The following SOX6 variants were observed in gnomAD, a reference collection of about 807,000 sequenced individuals.
The protein encoded by SOX6 is transcription factor SOX-6.
SOX6 carries 11 observed loss-of-function variants against 97.8 expected under a neutral mutation model. That is an observed-to-expected ratio of 0.11 (90% CI 0.07 to 0.19). The LOEUF is 0.19. Ranked by LOEUF, SOX6 falls within the 10% of genes least tolerant of loss-of-function variation. SOX6 has a pLI of 1.00. For missense variants in SOX6, 810 were observed against 1,039.5 expected (o/e 0.78, Z 3.04); for synonymous variants, 360 against 371.4 (o/e 0.97, Z 0.35).
intron 4 of SOX6, among the ~76,000 whole-genome samples, chr11:16,502,830 C>T (rs369601803): frequency 6.6e-6 from 1 of 152,140 alleles, no homozygotes; most frequent in East Asian, 1.9e-4. Context: ...CTCCCCACAT[C>T]TAGCAAGAGA....
chr11:16,466,060 TC>T (rs1860025342), intron 1 of SOX6, among the ~76,000 whole-genome samples: 1 of 152,230 alleles, frequency 6.6e-6, no homozygotes, highest in South Asian at 2.1e-4. Flanking sequence ...TTGCCAGTTA[TC>T]TATAAAAGGT....
chr11:16,529,443 T>C (rs1383084751), intron 4 of SOX6, among the ~76,000 whole-genome samples: 1 of 151,978 alleles, frequency 6.6e-6, no homozygotes, highest in African/African-American at 2.4e-5. Context: ...TAACACACAA[T>C]GGAGAGAAAA....
chr11:16,344,530 T>A (rs527413573), intron 1 of SOX6, among the ~76,000 whole-genome samples: 1 of 151,930 alleles, frequency 6.6e-6, no homozygotes, highest in Non-Finnish European at 1.5e-5. Flanking sequence ...TGTACCATAG[T>A]TACTCTCCTT....
chr11:16,597,280 G>A (rs1473056240), intron 4 of SOX6, among the ~76,000 whole-genome samples: 3 of 151,578 alleles, frequency 2.0e-5, no homozygotes, highest in African/African-American at 7.3e-5. Flanking sequence ...CCGTTATCCA[G>A]AACTGTTCTA....
rs1353474000 is a variant in SOX6 at position 16,356,451 on chromosome 11, A to C, written c.-362T>G. Among the ~76,000 whole-genome samples the C allele has an allele frequency of 6.6e-6, 1 of 152,146 alleles. No individual in the cohort carries two copies. Among genetic ancestry groups the C allele is most frequent in the Non-Finnish European group, 1.5e-5 (1 of 68,016 alleles). On this transcript the variant is annotated 5_prime_UTR_variant, in exon 1 of 16. Coordinates refer to ENST00000683767, the MANE Select transcript of SOX6 (RefSeq NM_001367873.1). ...TCTGCCACTGCTGCTACAGTTAAGC[A>C]AACTTTACAAGCTAGTCAAGCCATC... is the stretch of plus-strand genomic sequence containing the variant.
At chr11:16,105,380 A>G (rs568935386) in intron 7 of SOX6, among the ~76,000 whole-genome samples, 1 of 152,152 alleles carries the variant, frequency 6.6e-6, no homozygotes, top group East Asian at 1.9e-4. Context: ...GAGGAAAAAG[A>G]CCTCGGCATG....
intron 4 of SOX6, chr11:16,484,493 T>G (rs1246119805): frequency 1.2e-5 from 10 of 809,162 alleles, no homozygotes; most frequent in Non-Finnish European, 2.0e-5. Flanking sequence ...GAGCTTCTCC[T>G]GAATGGCCAC....
At chr11:16,457,849 T>C (rs1859842069) in intron 1 of SOX6, among the ~76,000 whole-genome samples, 1 of 152,080 alleles carries the variant, frequency 6.6e-6, no homozygotes, top group African/African-American at 2.4e-5. Flanking sequence ...ACTCACACAA[T>C]TGCATTTTGT....
At chr11:16,145,973 C>A (rs182159620) in intron 6 of SOX6, among the ~76,000 whole-genome samples, 2,151 of 152,222 alleles carry the variant, frequency 0.014, 33 homozygotes, top group Non-Finnish European at 0.023. Flanking sequence ...GCTACCAATG[C>A]CTTTCTTCAC....
chr11:16,365,015 GT>G (rs1453565331), intron 1 of SOX6, among the ~76,000 whole-genome samples: 2 of 152,068 alleles, frequency 1.3e-5, no homozygotes, highest in Non-Finnish European at 2.9e-5. Flanking sequence ...GTTACCCAGA[GT>G]CAACCAAAGT....
At chr11:15,988,207 A>G (rs1018411675) in intron 14 of SOX6, among the ~76,000 whole-genome samples, 2 of 152,226 alleles carry the variant, frequency 1.3e-5, no homozygotes, top group African/African-American at 4.8e-5. Flanking sequence ...TAAAGAGGAA[A>G]CATGTTGACT....
At chr11:16,372,956 T>G (rs1857530387) in intron 1 of SOX6, among the ~76,000 whole-genome samples, 1 of 152,174 alleles carries the variant, frequency 6.6e-6, no homozygotes, top group African/African-American at 2.4e-5. Context: ...TAGTGCGAAC[T>G]ATGTTCAGAA....
intron 1 of SOX6, among the ~76,000 whole-genome samples, chr11:16,449,194 T>C (rs1859667874): frequency 6.6e-6 from 1 of 151,424 alleles, no homozygotes; most frequent in African/African-American, 2.4e-5. Flanking sequence ...ACTTGGAATA[T>C]ACTGTGAGGC....
intron 3 of SOX6, among the ~76,000 whole-genome samples, chr11:16,275,216 C>A (rs1319430843): frequency 6.7e-6 from 1 of 149,310 alleles, no homozygotes; most frequent in Non-Finnish European, 1.5e-5. Flanking sequence ...CCGAGGCGGG[C>A]GGATCACGAG....
chr11:16,186,317 G>A (rs181579464), intron 5 of SOX6, among the ~76,000 whole-genome samples: 4 of 152,218 alleles, frequency 2.6e-5, no homozygotes, highest in African/African-American at 7.2e-5. Context: ...GGGCTATCTG[G>A]GGAAAACTGA....
rs1269537118 is a variant in SOX6, at chr11:16,529,291, C to G, written n.610-52903G>C. On this transcript the variant is annotated intron_variant and non_coding_transcript_variant, in intron 4 of 5. Transcript: ENST00000524520. ...GGATATTAGTTCCTGAAACAGAAAG[C>G]TGGAAAATCTTATAGCAGGCCTCCA... 3.9e-5 allele frequency among the ~76,000 whole-genome samples: 6 copies of G among 152,018 alleles called. No homozygotes were observed. The East Asian group carries it at 1.2e-3, about 29-fold the overall frequency.
chr11:16,266,695 C>T (rs1002592298), intron 3 of SOX6, among the ~76,000 whole-genome samples: 4 of 151,422 alleles, frequency 2.6e-5, no homozygotes, highest in Non-Finnish European at 5.9e-5. Context: ...AGTGTAAATA[C>T]TATGAACATC....
At chr11:16,570,160 T>C (rs182677195) in intron 4 of SOX6, among the ~76,000 whole-genome samples, 7 of 152,264 alleles carry the variant, frequency 4.6e-5, no homozygotes, top group African/African-American at 1.7e-4. Flanking sequence ...CTTTCTCATC[T>C]TGAAGGTACA....
upstream of SOX6, among the ~76,000 whole-genome samples, chr11:16,479,094 A>C (rs1405714593): frequency 2.0e-5 from 3 of 152,230 alleles, no homozygotes; most frequent in East Asian, 5.8e-4. Context: ...GATTTCAAAC[A>C]ATCAATAATC....
Sources: allele counts gnomAD v4.1 joint callset (sites outside exome capture counted in the v4.1 genomes callset), GRCh38; gene constraint gnomAD v4.1.1; transcripts MANE v1.5; gene names NCBI Gene and HGNC (gene_info 2026-07-23, HGNC 2026-07-21).